TNRC6C: variants seen among roughly 807,000 people sequenced by gnomAD.
The protein encoded by TNRC6C is trinucleotide repeat-containing gene 6C protein.
TNRC6C carries 20 observed loss-of-function variants against 153.7 expected under a neutral mutation model. The observed-to-expected ratio is 0.13, with a 90% CI of 0.09 to 0.19. TNRC6C has a LOEUF of 0.19. TNRC6C is among the 10% of genes least tolerant of loss of function. The probability of loss-of-function intolerance (pLI) is 1.00; values close to 1 mark genes in which losing one functional copy is unlikely to be tolerated. For missense variants in TNRC6C, 1,987 were observed against 2,172.0 expected (o/e 0.91, Z 1.69); for synonymous variants, 811 against 841.4 (o/e 0.96, Z 0.63).
upstream of TNRC6C, among the ~76,000 whole-genome samples, chr17:78,001,869 G>T (rs2071418242): frequency 6.6e-6 from 1 of 151,886 alleles, no homozygotes. Context: ...AGCAAATATT[G>T]TCCTGGGGGG....
chr17:78,027,605 A>G (rs892157675), intron 1 of TNRC6C, among the ~76,000 whole-genome samples: 1 of 152,206 alleles, frequency 6.6e-6, no homozygotes, highest in Non-Finnish European at 1.5e-5. Flanking sequence ...AAGACCCAGG[A>G]CACGCAAAGT....
intron 1 of TNRC6C, among the ~76,000 whole-genome samples, chr17:77,973,105 C>G (rs530571367): frequency 5.3e-5 from 8 of 152,244 alleles, no homozygotes; most frequent in African/African-American, 1.7e-4. Flanking sequence ...CGGGGTTTCA[C>G]TATGTTGGCC....
Position 78,051,492 on chromosome 17 carries a change from A to C in TNRC6C, c.2395+35A>C, listed in dbSNP as rs760366075. ...GTTTCTTTACAAGTAAAAAAAAAAA[A>C]AAAAAAGCTTATTCTCATTATATAT... On this transcript the variant is annotated intron_variant, in intron 3 of 19. Transcript: ENST00000301624. 5 of 1,396,670 alleles carry C rather than the reference A, an allele frequency of 3.6e-6. 1 individual carries two copies. In the African/African-American group the frequency reaches 7.3e-5, roughly 20 times the overall value. 86.5% of individuals were successfully genotyped at this position (1,396,670 alleles called of 1,614,324 possible).
intron 3 of TNRC6C, among the ~76,000 whole-genome samples, chr17:78,058,557 C>T (rs2072703801): frequency 6.6e-6 from 1 of 152,224 alleles, no homozygotes; most frequent in African/African-American, 2.4e-5. Flanking sequence ...GGCCATTATA[C>T]AGTTGATCCA....
At chr17:77,966,181 A>T (rs1422058203) in intron 1 of TNRC6C, among the ~76,000 whole-genome samples, 1 of 152,182 alleles carries the variant, frequency 6.6e-6, no homozygotes, top group Non-Finnish European at 1.5e-5. Context: ...TATTGACTGG[A>T]TGAGTGCAGA....
chr17:78,059,471 G>A (rs964150126), intron 3 of TNRC6C, among the ~76,000 whole-genome samples: 41 of 152,186 alleles, frequency 2.7e-4, no homozygotes, highest in Non-Finnish European at 4.7e-4. Context: ...AGTCCGTGGC[G>A]TGAGACGTGT....
At chr17:78,088,678 C>T (rs1301483354) in intron 13 of TNRC6C, among the ~76,000 whole-genome samples, 3 of 148,746 alleles carry the variant, frequency 2.0e-5, no homozygotes, top group Non-Finnish European at 4.4e-5. Flanking sequence ...TAGCTCATTG[C>T]AGCCTCAAAC....
At chr17:77,988,748 G>A (rs1346486836) in intron 1 of TNRC6C, among the ~76,000 whole-genome samples, 12 of 152,314 alleles carry the variant, frequency 7.9e-5, no homozygotes, top group Non-Finnish European at 8.8e-5. Context: ...TATGGTACAT[G>A]TGTCTAGAAA....
intron 1 of TNRC6C, among the ~76,000 whole-genome samples, chr17:77,998,950 G>A (rs2071370020): frequency 6.6e-6 from 1 of 152,222 alleles, no homozygotes; most frequent in Non-Finnish European, 1.5e-5. Context: ...AGCCTGGGTA[G>A]GTTCAAGGCT....
chr17:77,975,414 G>A (rs752306897), intron 1 of TNRC6C, among the ~76,000 whole-genome samples: 1 of 152,206 alleles, frequency 6.6e-6, no homozygotes, highest in Non-Finnish European at 1.5e-5. Flanking sequence ...GAGGGCAGAT[G>A]CAGTGTGCTG....
intron 2 of TNRC6C, among the ~76,000 whole-genome samples, chr17:78,047,855 G>A (rs1456550973): frequency 6.6e-6 from 1 of 152,034 alleles, no homozygotes; most frequent in Non-Finnish European, 1.5e-5. Flanking sequence ...AATAAAGTCT[G>A]CCAAAAAGTT....
chr17:77,957,901 C>T (rs968093651), upstream of TNRC6C, among the ~76,000 whole-genome samples: 1 of 152,212 alleles, frequency 6.6e-6, no homozygotes, highest in African/African-American at 2.4e-5. Context: ...GGGTTCGGCC[C>T]GGACCGAAGG....
At chr17:78,024,247 T>C (rs1268601135) in intron 1 of TNRC6C, among the ~76,000 whole-genome samples, 1 of 152,252 alleles carries the variant, frequency 6.6e-6, no homozygotes, top group Non-Finnish European at 1.5e-5. Flanking sequence ...CTCTCAGTTT[T>C]ATTTGGAAAG....
At position 78,070,885 on chromosome 17, in the gene TNRC6C, G is replaced by A. The variant is rs142563630; in HGVS notation, c.2779-200G>A. 2.2e-3 allele frequency among the ~76,000 whole-genome samples: 332 copies of A among 152,260 alleles called. 1 individual carries two copies. Among genetic ancestry groups the A allele is most frequent in the African/African-American group, 7.7e-3 (318 of 41,542 alleles). ...ATAAATTGCACATATATACCAACCT[G>A]CAAATGTACCTTGATGCTTTCCGTA... On this transcript the variant is annotated intron_variant, in intron 5 of 19. Coordinates refer to ENST00000301624, the Ensembl canonical transcript of TNRC6C.
At chr17:78,064,072 C>T (rs2072822568) in intron 3 of TNRC6C, among the ~76,000 whole-genome samples, 1 of 152,102 alleles carries the variant, frequency 6.6e-6, no homozygotes, top group Non-Finnish European at 1.5e-5. Context: ...GAGACAGATT[C>T]TTGCTCTGTC....
At chr17:78,006,486 TTCTTCTTTC>T (rs1373176292) in intron 1 of TNRC6C, among the ~76,000 whole-genome samples, 10 of 144,464 alleles carry the variant, frequency 6.9e-5, no homozygotes, top group Non-Finnish European at 1.2e-4. Context: ...CTTCTTCTTC[TTCTTCTTTC>T]TTCTTCTTCT....
chr17:77,999,218 C>T (rs1214065417), upstream of TNRC6C, among the ~76,000 whole-genome samples: 1 of 152,218 alleles, frequency 6.6e-6, no homozygotes, highest in Non-Finnish European at 1.5e-5. Context: ...TCCTGGGATA[C>T]GTCCAGCTCA....
At chr17:78,010,203 T>C (rs1261569905) in intron 1 of TNRC6C, among the ~76,000 whole-genome samples, 1 of 152,220 alleles carries the variant, frequency 6.6e-6, no homozygotes, top group Non-Finnish European at 1.5e-5. Flanking sequence ...AGTATCCTAA[T>C]CTTGTTTATA....
chr17:77,993,208 C>T (rs1388378117), intron 1 of TNRC6C, among the ~76,000 whole-genome samples: 1 of 152,192 alleles, frequency 6.6e-6, no homozygotes, highest in African/African-American at 2.4e-5. Flanking sequence ...GTAATCCACC[C>T]GCCTCTGCCT....
Sources: allele counts gnomAD v4.1 joint callset (sites outside exome capture counted in the v4.1 genomes callset), GRCh38; gene constraint gnomAD v4.1.1; transcripts MANE v1.5; gene names NCBI Gene and HGNC (gene_info 2026-07-23, HGNC 2026-07-21).